Variants in LACRT observed in about 807,000 individuals in gnomAD.
The protein encoded by LACRT is extracellular glycoprotein lacritin.
In LACRT, 14 loss-of-function variants were observed where a neutral mutation model predicts 14.5. That is an observed-to-expected ratio of 0.96 (90% CI 0.64 to 1.51). LACRT has a LOEUF of 1.51. LACRT is among the 40% of genes most tolerant of loss of function. The pLI, the probability that LACRT is intolerant of heterozygous loss-of-function variation, is 0.00. For missense variants in LACRT, 156 were observed against 161.8 expected (o/e 0.96, Z 0.19); for synonymous variants, 70 against 63.5 (o/e 1.10, Z -0.48).
chr12:54,631,926 C>G, intron 3 of LACRT, 87 bp from the exon 4 acceptor site: 1 of 737,518 alleles, frequency 1.4e-6, no homozygotes, highest in Non-Finnish European at 2.3e-6. Flanking sequence ...ACCCGCCCCC[C>G]ACCCCCACTC....
intron 4 of LACRT, 107 bp downstream of exon 4, chr12:54,631,631 C>T (rs1958152257): frequency 1.3e-6 from 1 of 798,458 alleles, no homozygotes; most frequent in Non-Finnish European, 2.2e-6. Flanking sequence ...TTCCAAGTCT[C>T]ATATGTGAGG....
intron 2 of LACRT, 49 bp downstream of exon 2, chr12:54,633,131 G>C (rs559612978): frequency 1.1e-5 from 18 of 1,582,840 alleles, no homozygotes; most frequent in Non-Finnish European, 1.5e-5. Context: ...ATCCCTAACT[G>C]TTAAACCTTC....
At chr12:54,633,510 T>C (rs1175264532) in intron 1 of LACRT, among the ~76,000 whole-genome samples, 2 of 152,140 alleles carry the variant, frequency 1.3e-5, no homozygotes, top group Non-Finnish European at 2.9e-5. Context: ...CCTGGCTTGG[T>C]AGGCTTCCCT....
At chr12:54,634,089 A>C (rs993660488) in intron 1 of LACRT, among the ~76,000 whole-genome samples, 8 of 152,110 alleles carry the variant, frequency 5.3e-5, no homozygotes, top group Non-Finnish European at 1.0e-4. Context: ...ACGGTGGCTC[A>C]CGCCTGTAAT....
intron 1 of LACRT, 37 bp from the exon 2 acceptor site, chr12:54,633,270 C>A: frequency 6.3e-7 from 1 of 1,592,536 alleles, no homozygotes; most frequent in Non-Finnish European, 8.6e-7. Context: ...AGAGCAAGGA[C>A]CGAACCGGAC....
At chr12:54,631,533 G>A (rs1216013689) in intron 4 of LACRT, among the ~76,000 whole-genome samples, 1 of 152,162 alleles carries the variant, frequency 6.6e-6, no homozygotes, top group Non-Finnish European at 1.5e-5. Context: ...GAACCACCGT[G>A]CCCAGCTGGC....
chr12:54,630,903 G>GGATA lies in LACRT; in HGVS notation c.405_406insTATC (p.Pro136TyrfsTer8). 2 of 1,609,224 alleles carry GGATA rather than the reference G, an allele frequency of 1.2e-6. No individual in the cohort carries two copies. Among genetic ancestry groups the GGATA allele is most frequent in the Admixed American group, 3.3e-5 (2 of 60,026 alleles). ...TTCTTTTCAGCTTCTCATGCCCATG[G>GGATA]TTTTAATAGACTGAATTTCTTCAGT... On this transcript the variant is annotated frameshift_variant, in exon 5 of 5. Transcript: ENST00000257867. LOFTEE classifies it high-confidence loss of function.
Position 54,632,126 on chromosome 12 carries a change from C to T in LACRT, c.253+115G>A. The T allele has an allele frequency of 2.5e-6, 3 of 1,213,402 alleles. No individual in the cohort carries two copies. In the East Asian group the frequency reaches 7.0e-5, roughly 29 times the overall value. The allele number at this position is 1,213,402 out of a possible 1,614,324, so 75.2% of individuals were successfully genotyped here. On this transcript the variant is annotated intron_variant, in intron 3 of 4. Coordinates refer to ENST00000257867, the MANE Select transcript of LACRT (RefSeq NM_033277.2). ...ATCCCATTTGTGCCTTTGTGTTCAG[C>T]TGTTTGAGTCTACCTGCTTCTCACC...
chr12:54,631,521 G>T (rs143113986), intron 4 of LACRT, among the ~76,000 whole-genome samples: 1 of 152,186 alleles, frequency 6.6e-6, no homozygotes, highest in African/African-American at 2.4e-5. Context: ...GATTACAGGC[G>T]TGAACCACCG....
Position 54,632,275 on chromosome 12 carries a change from C to T in LACRT, c.219G>A (p.Lys73=). 1 of 1,614,084 alleles carries T rather than the reference C, an allele frequency of 6.2e-7. No homozygotes were observed. The highest frequency in any genetic ancestry group is 8.5e-7 in the Non-Finnish European group (1 of 1,179,996). Reference sequence around the variant, plus strand: ...TTAGTTCCTGCCTGCTTGAGGTGACCTTGGCTGTCCCCTGAACTGCTGCCG... The same window carrying T: ...TTAGTTCCTGCCTGCTTGAGGTGACTTTGGCTGTCCCCTGAACTGCTGCCG... ...TSAAAVQGTA[K]VTSSRQELNP... The change falls in exon 3 of 5, where the codon AAG becomes AAA. Residue 73 remains lysine (K), a synonymous_variant. Coordinates refer to ENST00000257867, the MANE Select transcript of LACRT (RefSeq NM_033277.2).
At chr12:54,632,181 G>A (rs1958156334) in intron 3 of LACRT, 60 bp downstream of exon 3, 2 of 1,590,878 alleles carry the variant, frequency 1.3e-6, no homozygotes, top group South Asian at 1.1e-5. Flanking sequence ...GAGGTGTGAT[G>A]TGGGCCTGCA....
At position 54,632,301 on chromosome 12, in the gene LACRT, C is replaced by A; in HGVS notation, c.193G>T (p.Ala65Ser). 1 of 1,614,106 alleles carries A rather than the reference C, an allele frequency of 6.2e-7. No individual in the cohort carries two copies. Among genetic ancestry groups the A allele is most frequent in the Non-Finnish European group, 8.5e-7 (1 of 1,180,022 alleles). The stretch of plus-strand genomic sequence containing the variant: ...TTGGCTGTCCCCTGAACTGCTGCCG[C>A]CGAAGTCTCCTGGGCTGTTGTGGTT... Reference protein sequence around the residue: ...ETTTTAQETSAAAVQGTAKVT... With the variant: ...ETTTTAQETSSAAVQGTAKVT... Residue 65 changes from alanine to serine, a missense_variant, in exon 3 of 5, where the codon GCG becomes TCG. Ala to Ser is a moderately conservative substitution (Grantham distance 99). Coordinates refer to ENST00000257867, the MANE Select transcript of LACRT (RefSeq NM_033277.2).
At chr12:54,631,948 T>G in intron 3 of LACRT, 109 bp from the exon 4 acceptor site, 1 of 518,380 alleles carries the variant, frequency 1.9e-6, no homozygotes, top group Non-Finnish European at 3.4e-6. Flanking sequence ...ACCCAGGACA[T>G]CATCCCTACA....
Position 54,632,073 on chromosome 12 carries a change from A to G in LACRT, c.253+168T>C, listed in dbSNP as rs117553476. ...GCAGGCTGCAACATCTACTATTGTG[A>G]AAACGTTGTGTGTGGGTGCAATGCA... On this transcript the variant is annotated intron_variant, in intron 3 of 4. Transcript: ENST00000257867. 1,145 of 757,626 alleles carry G rather than the reference A, an allele frequency of 1.5e-3. 11 individuals carry two copies. In the East Asian group the frequency reaches 0.018, roughly 12 times the overall value. 46.9% of individuals were successfully genotyped at this position (757,626 alleles called of 1,614,324 possible).
At chr12:54,633,765 C>T (rs1020560689) in intron 1 of LACRT, among the ~76,000 whole-genome samples, 5 of 152,124 alleles carry the variant, frequency 3.3e-5, no homozygotes, top group Admixed American at 6.5e-5. Flanking sequence ...TGTCCTTTTA[C>T]GAAATTATTT....
intron 1 of LACRT, 144 bp from the exon 2 acceptor site, chr12:54,633,377 C>G (rs1172747155): frequency 5.7e-6 from 4 of 706,870 alleles, no homozygotes; most frequent in South Asian, 5.3e-5. Flanking sequence ...TGGACATGCC[C>G]TTCCACCATA....
intron 3 of LACRT, 88 bp from the exon 4 acceptor site, chr12:54,631,927 A>AC (rs1958155065): frequency 9.3e-6 from 4 of 430,388 alleles, no homozygotes; most frequent in South Asian, 7.2e-5. Flanking sequence ...CCCGCCCCCC[A>AC]CCCCCACTCC....
intron 1 of LACRT, among the ~76,000 whole-genome samples, chr12:54,633,988 C>T (rs1294003208): frequency 2.0e-5 from 3 of 151,948 alleles, no homozygotes; most frequent in Non-Finnish European, 4.4e-5. Context: ...GAGGAAAGGA[C>T]AAGAAGGAAG....
At chr12:54,631,644 G>T in intron 4 of LACRT, 94 bp downstream of exon 4, 1 of 889,238 alleles carries the variant, frequency 1.1e-6, no homozygotes, top group Non-Finnish European at 1.9e-6. Flanking sequence ...ATGTGAGGTG[G>T]AAATGGGGGC....
Sources: gnomAD v4.1 joint callset for allele counts (sites outside exome capture counted in the v4.1 genomes callset) on GRCh38, gnomAD v4.1.1 for gene constraint, MANE v1.5 for transcripts, NCBI Gene and HGNC (gene_info 2026-07-23, HGNC 2026-07-21) for gene names.